CSTPP1: variants seen among roughly 807,000 people sequenced by gnomAD.
The protein encoded by CSTPP1 is UPF0705 protein C11orf49.
At chr11:47,060,258 CTTTTTTTT>C in the CSTPP1 span, among the ~76,000 whole-genome samples, 10 of 99,032 alleles carry the variant, frequency 1.0e-4, no homozygotes, top group South Asian at 3.4e-4. Flanking sequence ...CTTTTCTTTT[CTTTTTTTT>C]TTTTTTTTTT....
the CSTPP1 span, chr11:47,157,829 C>T: frequency 6.2e-7 from 1 of 1,614,112 alleles, no homozygotes. Context: ...ACCCCCAGCA[C>T]TTGTCAAAGA....
At chr11:47,053,486 G>T in the CSTPP1 span, among the ~76,000 whole-genome samples, 1 of 151,990 alleles carries the variant, frequency 6.6e-6, no homozygotes, top group African/African-American at 2.4e-5. Context: ...AGGTGTGGTG[G>T]CGCACTCCTA....
the CSTPP1 span, among the ~76,000 whole-genome samples, chr11:46,951,683 T>C: frequency 1.3e-5 from 2 of 152,182 alleles, no homozygotes; most frequent in Non-Finnish European, 2.9e-5. Context: ...AAATGTGTTA[T>C]AACAGTTACC....
chr11:47,098,391 T>C, the CSTPP1 span, among the ~76,000 whole-genome samples: 1 of 151,858 alleles, frequency 6.6e-6, no homozygotes, highest in Non-Finnish European at 1.5e-5. Flanking sequence ...CATACTACTC[T>C]GGGGAGAAGG....
chr11:47,041,662 G>C, the CSTPP1 span: 1 of 447,216 alleles, frequency 2.2e-6, no homozygotes, highest in Non-Finnish European at 4.5e-6. Flanking sequence ...GAACTCACTG[G>C]GCAGCTATGC....
the CSTPP1 span, among the ~76,000 whole-genome samples, chr11:47,089,487 T>G: frequency 3.3e-5 from 5 of 152,188 alleles, no homozygotes; most frequent in Non-Finnish European, 5.9e-5. Context: ...ATGTCACACC[T>G]TAAACTTGTT....
At chr11:47,067,415 C>G in the CSTPP1 span, among the ~76,000 whole-genome samples, 7 of 152,108 alleles carry the variant, frequency 4.6e-5, no homozygotes, top group South Asian at 2.1e-4. Context: ...GTCTGCCCCC[C>G]CCAAATTCCC....
the CSTPP1 span, among the ~76,000 whole-genome samples, chr11:47,019,402 T>C: frequency 3.9e-5 from 6 of 152,220 alleles, no homozygotes; most frequent in Non-Finnish European, 7.3e-5. Context: ...TTTCGGCCTA[T>C]CTTGGCTTTT....
the CSTPP1 span, among the ~76,000 whole-genome samples, chr11:46,974,677 C>T: frequency 1.3e-4 from 19 of 151,392 alleles, no homozygotes; most frequent in Non-Finnish European, 4.4e-5. Context: ...CCCATCTATA[C>T]CAAAAAACAA....
chr11:46,986,240 A>T, the CSTPP1 span, among the ~76,000 whole-genome samples: 1 of 152,140 alleles, frequency 6.6e-6, no homozygotes, highest in Non-Finnish European at 1.5e-5. Context: ...TCACTCTAAT[A>T]CTCATACTTT....
At chr11:46,957,388 G>T in the CSTPP1 span, among the ~76,000 whole-genome samples, 1 of 152,082 alleles carries the variant, frequency 6.6e-6, no homozygotes, top group South Asian at 2.1e-4. Flanking sequence ...GAGAAAGGGT[G>T]CATGCAAAGT....
the CSTPP1 span, among the ~76,000 whole-genome samples, chr11:47,156,368 C>A: frequency 6.6e-6 from 1 of 152,244 alleles, no homozygotes; most frequent in Non-Finnish European, 1.5e-5. Context: ...ACTGACACTG[C>A]CCAGCGGTGT....
the CSTPP1 span, among the ~76,000 whole-genome samples, chr11:46,978,786 A>C: frequency 6.6e-6 from 1 of 152,174 alleles, no homozygotes; most frequent in Non-Finnish European, 1.5e-5. Flanking sequence ...AAGAATCCCC[A>C]CCTTCGTGCA....
At chr11:47,037,967 G>A in the CSTPP1 span, among the ~76,000 whole-genome samples, 76 of 123,924 alleles carry the variant, frequency 6.1e-4, 5 homozygotes, top group African/African-American at 1.8e-3. Context: ...GGGCGGCCGG[G>A]CAGAGGGCTG....
At chr11:46,940,667 AT>A in the CSTPP1 span, among the ~76,000 whole-genome samples, 1 of 152,204 alleles carries the variant, frequency 6.6e-6, no homozygotes, top group Non-Finnish European at 1.5e-5. Context: ...ATGAACATAT[AT>A]ATAGACATAT....
chr11:47,161,650 G>A, the CSTPP1 span: 2 of 1,603,126 alleles, frequency 1.2e-6, no homozygotes, highest in Non-Finnish European at 1.7e-6. Context: ...GAGTCCAAAG[G>A]GTCCTGCCCA....
the CSTPP1 span, among the ~76,000 whole-genome samples, chr11:47,129,786 A>G: frequency 3.3e-5 from 5 of 152,166 alleles, no homozygotes; most frequent in African/African-American, 7.2e-5. Context: ...ATTTCTTTAA[A>G]TCTTTACCTG....
chr11:47,009,087 T>C, the CSTPP1 span, among the ~76,000 whole-genome samples: 1 of 144,650 alleles, frequency 6.9e-6, no homozygotes, highest in African/African-American at 2.6e-5. Flanking sequence ...ATTTAATCCA[T>C]GGACCCTTCT....
the CSTPP1 span, among the ~76,000 whole-genome samples, chr11:47,015,595 A>G: frequency 7.2e-5 from 11 of 152,050 alleles, no homozygotes; most frequent in Admixed American, 2.6e-4. Context: ...AAAGAACACC[A>G]GTTCTACACA....
Sources: allele counts gnomAD v4.1 joint callset (sites outside exome capture counted in the v4.1 genomes callset), GRCh38; gene constraint gnomAD v4.1.1; transcripts MANE v1.5; gene names NCBI Gene and HGNC (gene_info 2026-07-23, HGNC 2026-07-21).